The following MAP2 variants were observed in gnomAD, a reference collection of about 807,000 sequenced individuals.
MAP2 encodes microtubule-associated protein 2.
MAP2 carries 14 observed loss-of-function variants against 137.6 expected under a neutral mutation model. That is an observed-to-expected ratio of 0.10 (90% CI 0.07 to 0.16). The LOEUF (loss-of-function observed/expected upper bound fraction) is 0.16. Ranked by LOEUF, MAP2 falls within the 10% of genes least tolerant of loss-of-function variation. The pLI is 1.00. For synonymous variants in MAP2, 786 were observed against 782.3 expected (o/e 1.00, Z -0.08); for missense variants, 2,088 against 2,191.5 (o/e 0.95, Z 0.94).
intron 4 of MAP2, among the ~76,000 whole-genome samples, chr2:209,649,753 C>A (rs529625354): frequency 4.6e-5 from 7 of 152,246 alleles, no homozygotes; most frequent in African/African-American, 1.7e-4. Flanking sequence ...CCTGAGTAAT[C>A]TGCATACATT....
chr2:209,464,299 A>G (rs1703594031), intron 1 of MAP2, among the ~76,000 whole-genome samples: 1 of 152,144 alleles, frequency 6.6e-6, no homozygotes, highest in South Asian at 2.1e-4. Context: ...GATTGAAAAT[A>G]ATATAGTTTA....
chr2:209,702,144 T>C (rs954120008), intron 11 of MAP2, among the ~76,000 whole-genome samples: 1 of 152,072 alleles, frequency 6.6e-6, no homozygotes. Flanking sequence ...CCTTTCCTCC[T>C]TTAGGTTGAC....
intron 1 of MAP2, among the ~76,000 whole-genome samples, chr2:209,487,450 A>G (rs968457985): frequency 1.3e-5 from 2 of 152,208 alleles, no homozygotes; most frequent in Non-Finnish European, 2.9e-5. Flanking sequence ...AAACTGGAGA[A>G]AATCTAGGTT....
intron 1 of MAP2, among the ~76,000 whole-genome samples, chr2:209,492,936 C>A (rs778288405): frequency 6.6e-6 from 1 of 152,148 alleles, no homozygotes; most frequent in Non-Finnish European, 1.5e-5. Context: ...TAGGAAAAAG[C>A]TACTTTAAAT....
rs146088272 is a variant in MAP2, at chr2:209,581,774, G to A, written c.-107+1674G>A. On this transcript the variant is annotated intron_variant, in intron 3 of 15. Coordinates refer to ENST00000682079, the MANE Select transcript of MAP2 (RefSeq NM_001375505.1). Reference sequence around the variant, plus strand: ...TTAACTGCTAAAAAATGACTCCAATGCGTTGTCAATAGGAACTAATAAGTT... The same window carrying A: ...TTAACTGCTAAAAAATGACTCCAATACGTTGTCAATAGGAACTAATAAGTT... Among the ~76,000 whole-genome samples the A allele has an allele frequency of 5.1e-3, 771 of 152,246 alleles. 6 individuals are homozygous for A. The highest frequency in any genetic ancestry group is 0.027 in the Middle Eastern group (8 of 294).
chr2:209,535,325 C>G (rs767080606), intron 2 of MAP2, among the ~76,000 whole-genome samples: 6 of 152,324 alleles, frequency 3.9e-5, no homozygotes, highest in African/African-American at 1.2e-4. Flanking sequence ...TGCTTCCCTA[C>G]TTATCCTGGA....
chr2:209,704,448 A>G, intron 11 of MAP2: 1 of 1,597,756 alleles, frequency 6.3e-7, no homozygotes, highest in Admixed American at 1.8e-5. Context: ...TTTCATGGCT[A>G]GAATTCTACC....
chr2:209,545,111 G>C (rs942709226), intron 2 of MAP2, among the ~76,000 whole-genome samples: 1 of 152,030 alleles, frequency 6.6e-6, no homozygotes, highest in East Asian at 1.9e-4. Flanking sequence ...TTTTTTGGTG[G>C]GTGGGGGAGG....
intron 2 of MAP2, among the ~76,000 whole-genome samples, chr2:209,563,239 C>A (rs2072590867): frequency 6.6e-6 from 1 of 152,116 alleles, no homozygotes; most frequent in Non-Finnish European, 1.5e-5. Context: ...CTTCCTGTGT[C>A]CTAGTCTGAT....
Position 209,730,708 on chromosome 2 carries a change from G to A in MAP2, c.*311G>A, listed in dbSNP as rs906881849. Reference sequence around the variant, plus strand: ...CATTTTTACCTTTCATGTGCCTGAAGGCTATCCACTACATTCTGAAGGCCT... The same window carrying A: ...CATTTTTACCTTTCATGTGCCTGAAAGCTATCCACTACATTCTGAAGGCCT... On this transcript the variant is annotated 3_prime_UTR_variant, in exon 16 of 16. Transcript: ENST00000682079. The A allele has an allele frequency of 1.4e-5, 4 of 285,400 alleles. No individual in the cohort carries two copies. Among genetic ancestry groups the A allele is most frequent in the Non-Finnish European group, 2.7e-5 (4 of 148,188 alleles). The allele number at this position is 285,400 out of a possible 1,614,324, so 17.7% of individuals were successfully genotyped here.
At chr2:209,590,299 G>A (rs915488287) in intron 3 of MAP2, among the ~76,000 whole-genome samples, 5 of 151,964 alleles carry the variant, frequency 3.3e-5, no homozygotes, top group Non-Finnish European at 7.4e-5. Context: ...TAATAAATAC[G>A]GTAGCCACTA....
chr2:209,491,172 C>G (rs898165461), intron 1 of MAP2, among the ~76,000 whole-genome samples: 3 of 152,018 alleles, frequency 2.0e-5, no homozygotes, highest in Non-Finnish European at 1.5e-5. Context: ...ACAGGGAAAC[C>G]AAACAACCTG....
chr2:209,510,937 A>G (rs2061650604), intron 2 of MAP2, among the ~76,000 whole-genome samples: 1 of 152,052 alleles, frequency 6.6e-6, no homozygotes, highest in African/African-American at 2.4e-5. Flanking sequence ...ACCCTAAGGA[A>G]TGGGACAAGG....
chr2:209,635,521 T>G (rs1337762326), intron 4 of MAP2, among the ~76,000 whole-genome samples: 1 of 152,174 alleles, frequency 6.6e-6, no homozygotes, highest in African/African-American at 2.4e-5. Context: ...ATATTTTGTA[T>G]TTGCTCCATC....
At chr2:209,674,429 A>G (rs2050300825) in intron 5 of MAP2, among the ~76,000 whole-genome samples, 1 of 151,868 alleles carries the variant, frequency 6.6e-6, no homozygotes, top group African/African-American at 2.4e-5. Context: ...TGAGACAGAT[A>G]CTAAAATTAT....
In MAP2 at chr2:209,530,148, G is replaced by A. The variant is rs77195004; in HGVS notation, c.-172+22507G>A. Among the ~76,000 whole-genome samples the A allele has an allele frequency of 6.2e-4, 94 of 152,126 alleles. 3 individuals carry two copies. In the East Asian group the frequency reaches 0.018, roughly 29 times the overall value. On this transcript the variant is annotated intron_variant, in intron 2 of 15. Coordinates refer to ENST00000682079, the MANE Select transcript of MAP2 (RefSeq NM_001375505.1). The stretch of plus-strand genomic sequence containing the variant: ...CTTCCATTTTGTTTCCAAGATGGCT[G>A]CTTCTGCCCCCACTGTCTTATCACA...
chr2:209,598,568 A>C (rs1306399884), intron 3 of MAP2, among the ~76,000 whole-genome samples: 2 of 148,160 alleles, frequency 1.3e-5, no homozygotes, highest in Admixed American at 1.3e-4. Flanking sequence ...ATCTAGCATT[A>C]GGTATATCTC....
chr2:209,471,573 A>C (rs1423410896), intron 1 of MAP2, among the ~76,000 whole-genome samples: 3 of 152,186 alleles, frequency 2.0e-5, no homozygotes, highest in Non-Finnish European at 4.4e-5. Flanking sequence ...TAATTTACTA[A>C]AAGTTTTTAA....
intron 2 of MAP2, among the ~76,000 whole-genome samples, chr2:209,533,705 GAT>G: frequency 6.6e-6 from 1 of 152,308 alleles, no homozygotes; most frequent in Non-Finnish European, 1.5e-5. Flanking sequence ...TTCTGGTTCA[GAT>G]ATACAGAATT....
Sources: gnomAD v4.1 joint callset for allele counts (sites outside exome capture counted in the v4.1 genomes callset) on GRCh38, gnomAD v4.1.1 for gene constraint, MANE v1.5 for transcripts, NCBI Gene and HGNC (gene_info 2026-07-23, HGNC 2026-07-21) for gene names.